Variants in ORC3 observed in about 807,000 individuals in gnomAD.
ORC3 encodes the protein origin recognition complex subunit 3.
ORC3 carries 78 observed loss-of-function variants against 100.7 expected under a neutral mutation model. The ratio of observed to expected loss-of-function variants is 0.77; its 90% CI spans 0.65 to 0.94. The LOEUF (loss-of-function observed/expected upper bound fraction) is 0.94. Ranked by LOEUF, ORC3 falls within the 40% of genes least tolerant of loss-of-function variation. The probability of loss-of-function intolerance (pLI) is 0.00; values close to 1 mark genes in which losing one functional copy is unlikely to be tolerated. For missense variants in ORC3, 789 were observed against 823.9 expected, an observed-to-expected ratio of 0.96 and a Z score of 0.52; for synonymous variants, 295 against 289.3, an observed-to-expected ratio of 1.02 and a Z score of -0.20.
chr6:87,658,591 T>G (rs750241469), intron 16 of ORC3, among the ~76,000 whole-genome samples: 2 of 152,108 alleles, frequency 1.3e-5, no homozygotes, highest in Non-Finnish European at 2.9e-5. Flanking sequence ...TTAGGTCAGG[T>G]GGGGAGAGAT....
At chr6:87,645,988 TTTTTTTC>T (rs1768744303) in intron 13 of ORC3, among the ~76,000 whole-genome samples, 1 of 144,928 alleles carries the variant, frequency 6.9e-6, no homozygotes, top group African/African-American at 2.6e-5. Flanking sequence ...TTTTTTCTTT[TTTTTTTC>T]TTTTTTTTTG....
chr6:87,655,757 C>T (rs1408138830), intron 14 of ORC3, among the ~76,000 whole-genome samples: 1 of 151,844 alleles, frequency 6.6e-6, no homozygotes, highest in South Asian at 2.1e-4. Context: ...ACACCATGGC[C>T]TCCCAAAGTG....
chr6:87,676,325 C>T, the ORC3 span, among the ~76,000 whole-genome samples: 18 of 148,752 alleles, frequency 1.2e-4, no homozygotes, highest in Non-Finnish European at 2.2e-4. Context: ...ATTAGCTGGG[C>T]ATGGTGGCAG....
intron 15 of ORC3, among the ~76,000 whole-genome samples, chr6:87,657,649 C>T (rs914790321): frequency 6.6e-6 from 1 of 152,156 alleles, no homozygotes; most frequent in Non-Finnish European, 1.5e-5. Context: ...ATAGTGAGCA[C>T]TCTGCCATGT....
At chr6:87,671,392 C>T (rs1433552325), downstream of ORC3, among the ~76,000 whole-genome samples, 4 of 151,854 alleles carry the variant, frequency 2.6e-5, no homozygotes, top group Non-Finnish European at 5.9e-5. Context: ...ATGGAGTGGC[C>T]ATTAAGTGAT....
rs28381506 is a variant in ORC3, at chr6:87,622,444, T to C, written c.1185+431T>C. On this transcript the variant is annotated intron_variant, in intron 11 of 19. Coordinates refer to ENST00000392844, the MANE Select transcript of ORC3 (RefSeq NM_012381.4). ...GGTATTGATTTGATTTGAAGAAATA[T>C]CATTATATATTGATAATATAAAGCT... 2.5e-3 allele frequency among the ~76,000 whole-genome samples: 383 copies of C among 152,202 alleles called. 2 individuals are homozygous for C. The highest frequency in any genetic ancestry group is 8.7e-3 in the African/African-American group (360 of 41,534).
chr6:87,598,750 A>G (rs1278089155), intron 2 of ORC3, among the ~76,000 whole-genome samples: 1 of 152,016 alleles, frequency 6.6e-6, no homozygotes, highest in African/African-American at 2.4e-5. Context: ...TATAAGGCAG[A>G]TGGAGCAGGA....
At chr6:87,658,316 G>A (rs1026878279) in intron 16 of ORC3, among the ~76,000 whole-genome samples, 15 of 152,094 alleles carry the variant, frequency 9.9e-5, no homozygotes, top group African/African-American at 3.4e-4. Flanking sequence ...AATTAGCTGG[G>A]TGTGGTGGTG....
At chr6:87,602,972 C>CACATATATTTTATAT (rs1398124278) in intron 3 of ORC3, among the ~76,000 whole-genome samples, 3 of 62,876 alleles carry the variant, frequency 4.8e-5, no homozygotes, top group African/African-American at 1.6e-4. Context: ...TATATATATA[C>CACATATATTTTATAT]ATATATATAT....
chr6:87,645,984 C>CTTTTTTTTTTTTTTT (rs747686139), intron 13 of ORC3, among the ~76,000 whole-genome samples: 5 of 127,012 alleles, frequency 3.9e-5, no homozygotes, highest in Admixed American at 8.1e-5. Context: ...CTTTTTTTTT[C>CTTTTTTTTTTTTTTT]TTTTTTTTTT....
At chr6:87,643,190 G>T (rs1768412086) in intron 13 of ORC3, among the ~76,000 whole-genome samples, 1 of 152,068 alleles carries the variant, frequency 6.6e-6, no homozygotes, top group Admixed American at 6.6e-5. Context: ...TAGCGAGGTG[G>T]CTCACGCCTG....
the ORC3 span, among the ~76,000 whole-genome samples, chr6:87,674,571 C>T: frequency 6.8e-6 from 1 of 147,668 alleles, no homozygotes; most frequent in South Asian, 2.1e-4. Flanking sequence ...AATTCTATAG[C>T]AATTAAAATA....
chr6:87,590,286 T>A (rs1776680335), intron 1 of ORC3, 94 bp downstream of exon 1: 2 of 1,348,766 alleles, frequency 1.5e-6, no homozygotes, highest in Non-Finnish European at 2.1e-6. Flanking sequence ...ATCCCTTCCC[T>A]GGCTGGAGAG....
At chr6:87,676,596 A>AACACGCACGCGCGCAC in the ORC3 span, among the ~76,000 whole-genome samples, 14 of 142,046 alleles carry the variant, frequency 9.9e-5, no homozygotes, top group African/African-American at 3.5e-4. Flanking sequence ...CTCTACTAAA[A>AACACGCACGCGCGCAC]ACACACACAC....
downstream of ORC3, among the ~76,000 whole-genome samples, chr6:87,672,243 AG>A (rs1438819485): frequency 6.6e-6 from 1 of 152,220 alleles, no homozygotes; most frequent in Non-Finnish European, 1.5e-5. Flanking sequence ...AATAAACTGG[AG>A]GAAGTTTAGA....
Position 87,601,815 on chromosome 6 carries a change from T to C in ORC3, c.111T>C (p.Pro37=). 1 of 1,610,500 alleles carries C rather than the reference T, an allele frequency of 6.2e-7. No individual in the cohort carries two copies. The highest frequency in any genetic ancestry group is 8.5e-7 in the Non-Finnish European group (1 of 1,176,718). Residue 37 remains proline, a synonymous_variant, in exon 3 of 20, where the codon CCT becomes CCC. Coordinates refer to ENST00000392844, the MANE Select transcript of ORC3 (RefSeq NM_012381.4). ...EDYFNKGKNE[P]EDSKLRFETY... ...ATTTTAACAAAGGGAAAAATGAGCC[T>C]GAGGACAGTAAGCTTCGATTCGAAA...
rs953578734 is a variant in ORC3 at position 87,596,886 on chromosome 6, G to A, written c.79+2479G>A. On this transcript the variant is annotated intron_variant, in intron 2 of 19. Coordinates refer to ENST00000392844, the MANE Select transcript of ORC3 (RefSeq NM_012381.4). ...AATTGTAGATGCACATATAATTACA[G>A]GTAATACTCTTCCACCAGTAAGTAC... is the stretch of plus-strand genomic sequence containing the variant. Among the ~76,000 whole-genome samples the A allele has an allele frequency of 5.9e-5, 9 of 152,118 alleles. 1 individual carries two copies. Among genetic ancestry groups the A allele is most frequent in the African/African-American group, 2.2e-4 (9 of 41,412 alleles).
chr6:87,601,073 T>C (rs1777861752), intron 2 of ORC3, among the ~76,000 whole-genome samples: 1 of 151,874 alleles, frequency 6.6e-6, no homozygotes, highest in Admixed American at 6.6e-5. Flanking sequence ...AGTGGAAAAA[T>C]GTAAGAATAG....
chr6:87,652,111 G>A (rs1216203512), intron 13 of ORC3, among the ~76,000 whole-genome samples: 1 of 152,064 alleles, frequency 6.6e-6, no homozygotes, highest in Non-Finnish European at 1.5e-5. Context: ...TGGTAGCCAG[G>A]ATGGTCTTGA....
Sources: gnomAD v4.1 joint callset for allele counts (sites outside exome capture counted in the v4.1 genomes callset) on GRCh38, gnomAD v4.1.1 for gene constraint, MANE v1.5 for transcripts, NCBI Gene and HGNC (gene_info 2026-07-23, HGNC 2026-07-21) for gene names.